The following SERINC2 variants were observed in gnomAD, a reference collection of about 807,000 sequenced individuals.
SERINC2 encodes serine incorporator 2.
In SERINC2, 56 loss-of-function variants were observed where a neutral mutation model predicts 54.2. The ratio of observed to expected loss-of-function variants is 1.03; its 90% CI spans 0.83 to 1.29. The LOEUF is 1.29. Among genes scored for constraint, SERINC2 ranks in the 50% most tolerant of loss-of-function variants. SERINC2 has a pLI of 0.00. For synonymous variants in SERINC2, 272 were observed against 253.1 expected, an observed-to-expected ratio of 1.07 and a Z score of -0.71; for missense variants, 614 against 607.4, an observed-to-expected ratio of 1.01 and a Z score of -0.12.
At chr1:31,432,360 A>G (rs1327538048) in intron 8 of SERINC2, among the ~76,000 whole-genome samples, 2 of 150,146 alleles carry the variant, frequency 1.3e-5, no homozygotes, top group Non-Finnish European at 1.5e-5. Flanking sequence ...GTCTCAAACT[A>G]TCAAATTCTG....
rs143048000 is a variant in SERINC2 at position 31,425,865 on chromosome 1, C to G, written c.562C>G (p.Arg188Gly). 3.7e-6 allele frequency: 6 copies of G among 1,613,430 alleles called. No homozygotes were observed. Among genetic ancestry groups the G allele is most frequent in the Non-Finnish European group, 5.1e-6 (6 of 1,179,922 alleles). Reference protein sequence around the residue: ...LIDFAHSWNQRWLGKAEECDS... With the variant: ...LIDFAHSWNQGWLGKAEECDS... ...CGACTTTGCGCACTCCTGGAACCAG[C>G]GGTGGCTGGGCAAGGCCGAGGAGTG... Residue 188 changes from arginine (R) to glycine (G), a missense_variant, in exon 5 of 10, where the codon CGG (arginine) becomes GGG (glycine). Physicochemically the swap from Arg to Gly is moderately radical, Grantham distance 125. Coordinates refer to ENST00000373709, the MANE Select transcript of SERINC2 (RefSeq NM_178865.5).
upstream of SERINC2, chr1:31,413,169 CGGGGCCGGGGCCGGGGA>C (rs1279740161): frequency 2.7e-5 from 23 of 859,940 alleles, 1 homozygote; most frequent in Middle Eastern, 3.0e-3. This position sits in a 1 kb window ranked among gnomAD's most constrained non-coding sequence, Gnocchi z 5.0. Flanking sequence ...GGGGCCGGGG[CGGGGCCGGGGCCGGGGA>C]GGGGCCAGGC....
intron 6 of SERINC2, 82 bp downstream of exon 6, chr1:31,426,905 T>G: frequency 7.5e-7 from 1 of 1,329,680 alleles, no homozygotes; most frequent in African/African-American, 1.4e-5. Context: ...GTCCTGGGGC[T>G]AGGGCTGTCA....
intron 1 of SERINC2, among the ~76,000 whole-genome samples, chr1:31,418,155 G>A (rs1429756003): frequency 2.0e-5 from 3 of 152,042 alleles, no homozygotes; most frequent in Non-Finnish European, 4.4e-5. Flanking sequence ...CTCCGCACCT[G>A]GCCTCATTCC....
At chr1:31,431,841 TAG>T (rs1641232801) in intron 8 of SERINC2, among the ~76,000 whole-genome samples, 2 of 36,030 alleles carry the variant, frequency 5.6e-5, no homozygotes, top group East Asian at 8.6e-4. Context: ...ATAGGGTGGA[TAG>T]GGTGGATAGG....
chr1:31,431,408 T>C (rs1218611685), intron 8 of SERINC2, among the ~76,000 whole-genome samples: 1 of 150,060 alleles, frequency 6.7e-6, no homozygotes, highest in African/African-American at 2.5e-5. Flanking sequence ...ATTACAGGAG[T>C]GCACCACTCC....
intron 1 of SERINC2, among the ~76,000 whole-genome samples, chr1:31,423,355 G>A (rs1338180091): frequency 6.6e-6 from 1 of 152,194 alleles, no homozygotes; most frequent in Non-Finnish European, 1.5e-5. Context: ...ATAAGGTCAC[G>A]AAGGTAATCG....
chr1:31,429,215 C>T (rs1641127721), intron 7 of SERINC2, 147 bp downstream of exon 7: 1 of 986,520 alleles, frequency 1.0e-6, no homozygotes. Flanking sequence ...ATGGGAGGGC[C>T]CCGTCTGTTC....
chr1:31,431,786 A>T (rs71516314), intron 8 of SERINC2, among the ~76,000 whole-genome samples: 19,631 of 48,392 alleles, frequency 0.41, 2,138 homozygotes, highest in South Asian at 0.58. Flanking sequence ...AATAGGGTGG[A>T]TAGGGTGGAT....
chr1:31,415,172 C>G (rs1640752360), intron 1 of SERINC2, among the ~76,000 whole-genome samples: 1 of 152,210 alleles, frequency 6.6e-6, no homozygotes, highest in African/African-American at 2.4e-5. Flanking sequence ...TAGTTAGGAT[C>G]AACATCTGAT....
At chr1:31,414,477 A>AGGT in intron 1 of SERINC2, 1 of 842,108 alleles carries the variant, frequency 1.2e-6, no homozygotes, top group Non-Finnish European at 1.4e-6. Context: ...GAGAGAGAGG[A>AGGT]GGGGGTGTAG....
Position 31,432,982 on chromosome 1 carries a change from C to A in SERINC2, c.1029C>A (p.Asp343Glu). The change falls in exon 9 of 10, where the codon GAC becomes GAA. Residue 343 changes from aspartate to glutamate, a missense_variant. Coordinates refer to ENST00000373709, the MANE Select transcript of SERINC2 (RefSeq NM_178865.5). ...TCCCCTGCAGTCTGCGCTCCTCAGA[C>A]CACCGGCAGGTGAACAGCCTGATGC... ...CTLFISLRSS[D>E]HRQVNSLMQT... The A allele has an allele frequency of 1.2e-6, 2 of 1,611,556 alleles. No homozygotes were observed. The highest frequency in any genetic ancestry group is 1.7e-6 in the Non-Finnish European group (2 of 1,179,446).
At chr1:31,425,614 C>T (rs1182688025) in intron 4 of SERINC2, among the ~76,000 whole-genome samples, 162 bp from the exon 5 acceptor site, 1 of 152,210 alleles carries the variant, frequency 6.6e-6, no homozygotes, top group Non-Finnish European at 1.5e-5. Context: ...GCTGTCTTGC[C>T]CCGACCCATA....
intron 8 of SERINC2, among the ~76,000 whole-genome samples, chr1:31,432,662 A>C (rs1304176298): frequency 6.6e-6 from 1 of 152,194 alleles, no homozygotes; most frequent in East Asian, 1.9e-4. Flanking sequence ...TTCTGTGCCA[A>C]GCACTATGCT....
Position 31,425,410 on chromosome 1 carries a change from G to A in SERINC2, c.472+1G>A, listed in dbSNP as rs781816882. On this transcript the variant is annotated splice_donor_variant, in intron 4 of 9. Coordinates refer to ENST00000373709, the MANE Select transcript of SERINC2 (RefSeq NM_178865.5). LOFTEE classifies it high-confidence loss of function. ...ATTCCTGACGGCTCCTTCACCAACA[G>A]TAGGCGGACTTGGCAGGAGGCATGG... 9.3e-6 allele frequency: 15 copies of A among 1,605,316 alleles called. No homozygotes were observed. The highest frequency in any genetic ancestry group is 5.3e-5 in the African/African-American group (4 of 74,824).
chr1:31,432,057 CAGGGTGGACAGGGTGGACAGGGTGGTT>C lies in SERINC2; in HGVS notation c.1014-884_1014-858del, dbSNP rs1557500846. On this transcript the variant is annotated intron_variant, in intron 8 of 9. Transcript: ENST00000373709. ...GGGTGGACAGGGTGGACAGGGTGGA[CAGGGTGGACAGGGTGGACAGGGTGGTT>C]AGGGTGGACAGGGTGGACAGGGTGG... Among the ~76,000 whole-genome samples, 38 of 16,340 alleles carry C rather than the reference CAGGGTGGACAGGGTGGACAGGGTGGTT, an allele frequency of 2.3e-3. 1 individual carries two copies. The highest frequency in any genetic ancestry group is 4.2e-3 in the South Asian group (2 of 478). The allele number at this position is 16,340 out of a possible 152,430, so 10.7% of individuals were successfully genotyped here.
chr1:31,432,655 T>C (rs1292768525), intron 8 of SERINC2, among the ~76,000 whole-genome samples: 2 of 152,210 alleles, frequency 1.3e-5, no homozygotes, highest in Admixed American at 1.3e-4. Flanking sequence ...ATTTATATTC[T>C]GTGCCAAGCA....
At chr1:31,432,195 A>ATAGGGTGGAGAGG (rs1246443913) in intron 8 of SERINC2, among the ~76,000 whole-genome samples, 1 of 25,152 alleles carries the variant, frequency 4.0e-5, no homozygotes, top group Admixed American at 3.9e-4. Context: ...GGGTGGTTAG[A>ATAGGGTGGAGAGG]GTGGAGAGAG....
chr1:31,425,489 C>A, intron 4 of SERINC2, 80 bp downstream of exon 4: 1 of 1,094,462 alleles, frequency 9.1e-7, no homozygotes. Context: ...GGTGGGGCTG[C>A]TCTTTGCTGG....
Sources: gnomAD v4.1 joint callset for allele counts (sites outside exome capture counted in the v4.1 genomes callset) on GRCh38, gnomAD v4.1.1 for gene constraint, Gnocchi (gnomAD v3.1) non-coding constraint, MANE v1.5 for transcripts, NCBI Gene and HGNC (gene_info 2026-07-23, HGNC 2026-07-21) for gene names.